Variants in PABPC4L observed in about 807,000 individuals in gnomAD.
PABPC4L encodes poly(A) binding protein cytoplasmic 4 like.
For missense variants in PABPC4L, 452 were observed against 451.4 expected (o/e 1.00, Z -0.01); for synonymous variants, 169 against 164.1 (o/e 1.03, Z -0.23).
At chr4:134,021,409 G>A in the PABPC4L span, among the ~76,000 whole-genome samples, 1 of 152,094 alleles carries the variant, frequency 6.6e-6, no homozygotes, top group African/African-American at 2.4e-5. Context: ...GCCCTGTGAT[G>A]TATTAATAGC....
At chr4:134,138,992 CTA>C in the PABPC4L span, among the ~76,000 whole-genome samples, 1 of 151,752 alleles carries the variant, frequency 6.6e-6, no homozygotes, top group East Asian at 1.9e-4. Flanking sequence ...GTATGGCAAA[CTA>C]TATGTCAAGC....
the PABPC4L span, among the ~76,000 whole-genome samples, chr4:134,112,748 T>C: frequency 6.6e-6 from 1 of 151,952 alleles, no homozygotes. Context: ...TATTTGTAGG[T>C]GATTTTACTA....
rs1391707663 is a variant in PABPC4L at position 134,197,495 on chromosome 4, C to T, written c.*2412G>A. Reference sequence around the variant, plus strand: ...ATTTCAGTAGAATACTAAAACTTTCCAGCTTAACATTCAATTTTGGAATAA... The same window carrying T: ...ATTTCAGTAGAATACTAAAACTTTCTAGCTTAACATTCAATTTTGGAATAA... On this transcript the variant is annotated 3_prime_UTR_variant, in exon 2 of 2. Transcript: ENST00000421491. 6.6e-6 allele frequency: 1 copy of T among 151,526 alleles called. No homozygotes were observed. The highest frequency in any genetic ancestry group is 2.4e-5 in the African/African-American group (1 of 41,388). 9.4% of individuals were successfully genotyped at this position (151,526 alleles called of 1,614,324 possible).
chr4:133,956,059 A>T, the PABPC4L span, among the ~76,000 whole-genome samples: 5 of 150,592 alleles, frequency 3.3e-5, no homozygotes, highest in African/African-American at 7.4e-5. Flanking sequence ...TGGACTTATT[A>T]AAAAAAAATG....
chr4:134,140,437 A>G, the PABPC4L span, among the ~76,000 whole-genome samples: 22 of 152,008 alleles, frequency 1.4e-4, no homozygotes, highest in East Asian at 4.0e-3. Context: ...TTTTTAAATG[A>G]ATTTCTCATC....
the PABPC4L span, among the ~76,000 whole-genome samples, chr4:134,045,415 G>A: frequency 3.4e-3 from 511 of 152,194 alleles, 5 homozygotes; most frequent in African/African-American, 0.012. Flanking sequence ...ACCTTACTGA[G>A]GAAACTAGAA....
the PABPC4L span, among the ~76,000 whole-genome samples, chr4:134,166,848 C>A: frequency 6.6e-6 from 1 of 152,162 alleles, no homozygotes; most frequent in Admixed American, 6.5e-5. Context: ...CCTTCATTCA[C>A]TGACATGGCA....
the PABPC4L span, among the ~76,000 whole-genome samples, chr4:134,113,663 C>T: frequency 6.6e-6 from 1 of 151,858 alleles, no homozygotes; most frequent in South Asian, 2.1e-4. Flanking sequence ...ATATAGTAAA[C>T]ATTTTTGAAA....
At chr4:134,002,186 C>T in the PABPC4L span, among the ~76,000 whole-genome samples, 23 of 151,714 alleles carry the variant, frequency 1.5e-4, no homozygotes, top group Admixed American at 3.9e-4. Flanking sequence ...AACTTAAATC[C>T]GGTAAATATT....
the PABPC4L span, among the ~76,000 whole-genome samples, chr4:133,998,728 A>G: frequency 1.3e-5 from 2 of 151,846 alleles, no homozygotes; most frequent in African/African-American, 2.4e-5. Flanking sequence ...AAAGAAGATG[A>G]TAATTATGGT....
At chr4:134,169,671 A>G in the PABPC4L span, among the ~76,000 whole-genome samples, 1 of 152,086 alleles carries the variant, frequency 6.6e-6, no homozygotes, top group Admixed American at 6.6e-5. Context: ...AAAGAAAAAA[A>G]AATTCCATTT....
At chr4:134,191,702 C>A (rs1560834135), downstream of PABPC4L, among the ~76,000 whole-genome samples, 4 of 151,936 alleles carry the variant, frequency 2.6e-5, no homozygotes, top group African/African-American at 9.7e-5. Flanking sequence ...AAACACAACA[C>A]ACCAACATAT....
the PABPC4L span, among the ~76,000 whole-genome samples, chr4:134,049,566 C>T: frequency 4.4e-4 from 67 of 152,108 alleles, no homozygotes; most frequent in Admixed American, 3.6e-3. Flanking sequence ...AATTTTAACA[C>T]GGAAAAACTA....
chr4:134,098,958 G>C, the PABPC4L span, among the ~76,000 whole-genome samples: 5 of 151,674 alleles, frequency 3.3e-5, no homozygotes, highest in South Asian at 1.0e-3. Flanking sequence ...ACCTTGCCAA[G>C]AATATTGACT....
chr4:134,061,341 T>G, the PABPC4L span, among the ~76,000 whole-genome samples: 10 of 151,834 alleles, frequency 6.6e-5, no homozygotes, highest in Middle Eastern at 3.4e-3. Context: ...AAAGATACAC[T>G]CTTATATGAA....
the PABPC4L span, among the ~76,000 whole-genome samples, chr4:134,066,716 C>T: frequency 2.6e-5 from 4 of 152,048 alleles, no homozygotes; most frequent in Admixed American, 6.6e-5. Context: ...TATGTTCCTT[C>T]ATTGCCTGTT....
the PABPC4L span, among the ~76,000 whole-genome samples, chr4:134,095,028 A>C: frequency 2.0e-5 from 3 of 151,810 alleles, no homozygotes; most frequent in African/African-American, 7.2e-5. Context: ...AAGTCCATTA[A>C]AATTCAGTCT....
At chr4:134,115,378 G>C in the PABPC4L span, among the ~76,000 whole-genome samples, 34 of 151,878 alleles carry the variant, frequency 2.2e-4, no homozygotes, top group African/African-American at 7.7e-4. Flanking sequence ...TACAAGTAGA[G>C]AGAGGGGGAG....
chr4:134,013,146 C>A, the PABPC4L span, among the ~76,000 whole-genome samples: 3 of 151,966 alleles, frequency 2.0e-5, no homozygotes, highest in African/African-American at 7.3e-5. Flanking sequence ...CCCTTCTCCG[C>A]TTTTCTAGGG....
Sources: allele counts gnomAD v4.1 joint callset (sites outside exome capture counted in the v4.1 genomes callset), GRCh38; gene constraint gnomAD v4.1.1; transcripts MANE v1.5; gene names NCBI Gene and HGNC (gene_info 2026-07-23, HGNC 2026-07-21).